Variants in SRP54 observed in about 807,000 individuals in gnomAD.
SRP54 encodes signal recognition particle 54, also known as signal recognition particle subunit SRP54.
A neutral mutation model predicts 64.8 loss-of-function variants in SRP54; 10 were observed. That is an observed-to-expected ratio of 0.15 (90% CI 0.10 to 0.26). SRP54 has a LOEUF of 0.26. SRP54 is among the 10% of genes least tolerant of loss of function. The pLI is 1.00. For synonymous variants in SRP54, 193 were observed against 185.6 expected (o/e 1.04, Z -0.32); for missense variants, 325 against 613.7 (o/e 0.53, Z 4.97).
At chr14:35,006,279 A>T in intron 4 of SRP54, among the ~76,000 whole-genome samples, 1 of 152,196 alleles carries the variant, frequency 6.6e-6, no homozygotes. Flanking sequence ...GGCATTGGAG[A>T]ATTTACAGTT....
chr14:35,020,459 G>A (rs1007910638), intron 13 of SRP54, among the ~76,000 whole-genome samples: 12 of 152,188 alleles, frequency 7.9e-5, no homozygotes, highest in Middle Eastern at 3.2e-3. Context: ...ACAGTAGAAC[G>A]TCTTCCAAAA....
At chr14:34,997,187 T>A (rs947577331) in intron 2 of SRP54, among the ~76,000 whole-genome samples, 2 of 152,200 alleles carry the variant, frequency 1.3e-5, no homozygotes, top group Admixed American at 6.5e-5. Context: ...TGACTTTTAT[T>A]TAGCATTTTT....
chr14:34,990,206 C>T (rs1400715472), intron 1 of SRP54, among the ~76,000 whole-genome samples: 1 of 152,158 alleles, frequency 6.6e-6, no homozygotes, highest in African/African-American at 2.4e-5. Context: ...GGTCTGATTG[C>T]AGTGATAGTT....
At chr14:34,994,497 T>G (rs1180233515) in intron 1 of SRP54, among the ~76,000 whole-genome samples, 1 of 152,184 alleles carries the variant, frequency 6.6e-6, no homozygotes, top group African/African-American at 2.4e-5. Context: ...CTTTGAAATC[T>G]CTGTTTCCTT....
intron 13 of SRP54, among the ~76,000 whole-genome samples, chr14:35,021,632 C>CAAA (rs11373911): frequency 7.6e-6 from 1 of 132,304 alleles, no homozygotes. Context: ...CACTCTGTCT[C>CAAA]AAAAAAAAAA....
At chr14:35,023,696 A>G (rs2139025331) in intron 14 of SRP54, among the ~76,000 whole-genome samples, 1 of 151,886 alleles carries the variant, frequency 6.6e-6, no homozygotes, top group South Asian at 2.1e-4. Context: ...AGGCAGGAGA[A>G]TCACTTGAAC....
In SRP54 at chr14:35,001,037, A is replaced by T; in HGVS notation, c.255+17A>T. 1 of 1,410,150 alleles carries T rather than the reference A, an allele frequency of 7.1e-7. No homozygotes were observed. Among genetic ancestry groups the T allele is most frequent in the Non-Finnish European group, 9.8e-7 (1 of 1,018,252 alleles). 87.4% of individuals were successfully genotyped at this position (1,410,150 alleles called of 1,614,324 possible). A position where few individuals can be genotyped will look rare whatever the true frequency, so the allele number is the denominator to read the frequency against. ...CTTGTGAAGGTAAAAGTATATGAAG[A>T]TTATGCTGTGATTCTATACTCAGTG... On this transcript the variant is annotated intron_variant, in intron 4 of 15. Coordinates refer to ENST00000216774, the MANE Select transcript of SRP54 (RefSeq NM_003136.4).
Position 35,027,026 on chromosome 14 carries a change from CTTTTTT to C in SRP54, c.1328-1051_1328-1046del, listed in dbSNP as rs368696128. Among the ~76,000 whole-genome samples, 35 of 135,064 alleles carry C rather than the reference CTTTTTT, an allele frequency of 2.6e-4. No individual in the cohort carries two copies. In the East Asian group the frequency reaches 6.5e-3, roughly 25 times the overall value. The allele number at this position is 135,064 out of a possible 152,430, so 88.6% of individuals were successfully genotyped here. A position where few individuals can be genotyped will look rare whatever the true frequency, so the allele number is the denominator to read the frequency against. On this transcript the variant is annotated intron_variant, in intron 14 of 15. Transcript: ENST00000216774. ...AGACTCATACTTTACTTTCTACTTT[CTTTTTT>C]TTTTTTTTTTCTTCTGAGACAGAGT...
At chr14:35,013,939 G>T (rs1037987064) in intron 10 of SRP54, 37 bp downstream of exon 10, 2 of 1,364,932 alleles carry the variant, frequency 1.5e-6, no homozygotes, top group Non-Finnish European at 1.0e-6. Context: ...AAATCTCCAA[G>T]AAATACGATG....
chr14:35,024,351 A>C (rs1009954780), intron 14 of SRP54, among the ~76,000 whole-genome samples: 1 of 152,042 alleles, frequency 6.6e-6, no homozygotes, highest in African/African-American at 2.4e-5. Flanking sequence ...TAATGGTTGA[A>C]TATTTTCTCA....
At chr14:35,003,601 C>G (rs977441076) in intron 4 of SRP54, among the ~76,000 whole-genome samples, 15 of 144,430 alleles carry the variant, frequency 1.0e-4, no homozygotes, top group Non-Finnish European at 2.3e-4. Context: ...CAGGGTCTTA[C>G]TCTGTTGCCC....
chr14:35,021,194 A>G (rs1022991368), intron 13 of SRP54, among the ~76,000 whole-genome samples: 1 of 152,210 alleles, frequency 6.6e-6, no homozygotes, highest in Admixed American at 6.6e-5. Context: ...CTTCTGGACA[A>G]TATACTTAGA....
chr14:35,014,704 A>C, intron 10 of SRP54, 40 bp from the exon 11 acceptor site: 1 of 1,407,502 alleles, frequency 7.1e-7, no homozygotes, highest in Non-Finnish European at 1.0e-6. Context: ...GAAGCAGGGT[A>C]TAGTATTAGT....
At chr14:34,988,105 C>G (rs2043925639) in intron 1 of SRP54, among the ~76,000 whole-genome samples, 1 of 152,000 alleles carries the variant, frequency 6.6e-6, no homozygotes, top group South Asian at 2.1e-4. Context: ...TATTTTCTAC[C>G]TTAAATATTT....
rs2044687724 is a variant in SRP54, at chr14:35,029,311, T to C, written c.*159T>C. 3 of 508,516 alleles carry C rather than the reference T, an allele frequency of 5.9e-6. No homozygotes were observed. The South Asian group carries it at 8.8e-5, about 15-fold the overall frequency. 31.5% of individuals were successfully genotyped at this position (508,516 alleles called of 1,614,324 possible). ...CCCGCTTTTCCCCTCCTTTTCTTTT[T>C]CCTTCCTTCTTTCCTCCCTTTAATA... On this transcript the variant is annotated 3_prime_UTR_variant, in exon 16 of 16. Transcript: ENST00000216774.
At chr14:35,013,287 A>G (rs1237691875) in intron 8 of SRP54, 59 bp from the exon 9 acceptor site, 10 of 1,486,634 alleles carry the variant, frequency 6.7e-6, no homozygotes, top group Non-Finnish European at 8.3e-6. Flanking sequence ...TAATGATGAC[A>G]TTTGCTTAGG....
chr14:34,994,679 C>T, intron 1 of SRP54, among the ~76,000 whole-genome samples: 1 of 152,176 alleles, frequency 6.6e-6, no homozygotes, highest in Non-Finnish European at 1.5e-5. Context: ...CTTTTGTCTT[C>T]TCCACTTACT....
chr14:35,003,952 A>G (rs975554227), intron 4 of SRP54, among the ~76,000 whole-genome samples: 3 of 150,974 alleles, frequency 2.0e-5, no homozygotes, highest in African/African-American at 7.3e-5. Context: ...AAATAAATAA[A>G]TAAATAAAGC....
intron 11 of SRP54, among the ~76,000 whole-genome samples, chr14:35,015,614 C>T (rs1274216855): frequency 7.8e-6 from 1 of 127,808 alleles, no homozygotes; most frequent in South Asian, 2.5e-4. Flanking sequence ...GTACATAATA[C>T]TAACTACTTC....
Sources: gnomAD v4.1 joint callset for allele counts (sites outside exome capture counted in the v4.1 genomes callset) on GRCh38, gnomAD v4.1.1 for gene constraint, MANE v1.5 for transcripts, NCBI Gene and HGNC (gene_info 2026-07-23, HGNC 2026-07-21) for gene names.